IFNA5: variants seen among roughly 807,000 people sequenced by gnomAD.
IFNA5 encodes interferon alpha-5.
For missense variants in IFNA5, 267 were observed against 213.8 expected (o/e 1.25, Z -1.55); for synonymous variants, 95 against 77.6 (o/e 1.22, Z -1.18).
At position 21,305,285 on chromosome 9, in the gene IFNA5, T is replaced by A. The variant is rs775287415; in HGVS notation, c.-29A>T. 2.4e-5 allele frequency: 37 copies of A among 1,537,242 alleles called. 2 individuals are homozygous for A. In the South Asian group the frequency reaches 4.6e-4, roughly 19 times the overall value. ...GGAGGTTGCAGATGCTTCTGGGCTG[T>A]TGAGATTGAGTGACCCTGAACCTTG... is the stretch of plus-strand genomic sequence containing the variant. On this transcript the variant is annotated 5_prime_UTR_variant, in exon 1 of 1. Transcript: ENST00000610521.
rs771137726 is a variant in IFNA5, at chr9:21,305,021, A to G, written c.236T>C (p.Val79Ala). The change falls in exon 1 of 1, where the codon GTC becomes GCC. Residue 79 changes from valine to alanine, a missense_variant. Physicochemically the swap from Val to Ala is moderately conservative, Grantham distance 64. Transcript: ENST00000610521. ...NQFQKAQAIS[V>A]LHEMIQQTFN... The stretch of plus-strand genomic sequence containing the variant: ...GGTCTGCTGGATCATCTCATGGAGG[A>G]CAGAGATGGCTTGAGCCTTCTGGAA... 16 of 1,614,084 alleles carry G rather than the reference A, an allele frequency of 9.9e-6. No homozygotes were observed. In the African/African-American group the frequency reaches 1.9e-4, roughly 19 times the overall value.
At chr9:21,304,914 G>A in the IFNA5 span, 8,894 of 1,614,172 alleles carry the variant, frequency 5.5e-3, 40 homozygotes, top group Non-Finnish European at 5.7e-3. Flanking sequence ...TCATTCAGCT[G>A]CTGGTAAAGT....
rs1312053616 is a variant in IFNA5, at chr9:21,305,299, C to G, written c.-43G>C. The G allele has an allele frequency of 2.7e-6, 4 of 1,498,474 alleles. No homozygotes were observed. The highest frequency in any genetic ancestry group is 3.6e-6 in the Non-Finnish European group (4 of 1,113,840). 92.8% of individuals were successfully genotyped at this position (1,498,474 alleles called of 1,614,324 possible). A position where few individuals can be genotyped will look rare whatever the true frequency, so the allele number is the denominator to read the frequency against. On this transcript the variant is annotated 5_prime_UTR_variant, in exon 1 of 1. Coordinates refer to ENST00000610521, the MANE Select transcript of IFNA5 (RefSeq NM_002169.3). ...CTTCTGGGCTGTTGAGATTGAGTGA[C>G]CCTGAACCTTGGGCTCTTCTCTGAA...
Position 21,305,306 on chromosome 9 carries a change from C to T in IFNA5, c.-50G>A, listed in dbSNP as rs1563845593. 3 of 1,467,158 alleles carry T rather than the reference C, an allele frequency of 2.0e-6. No homozygotes were observed. The highest frequency in any genetic ancestry group is 2.7e-5 in the South Asian group (2 of 73,344). 90.9% of individuals were successfully genotyped at this position (1,467,158 alleles called of 1,614,324 possible). Reference sequence around the variant, plus strand: ...GCTGTTGAGATTGAGTGACCCTGAACCTTGGGCTCTTCTCTGAAGACCTTG... The same window carrying T: ...GCTGTTGAGATTGAGTGACCCTGAATCTTGGGCTCTTCTCTGAAGACCTTG... On this transcript the variant is annotated 5_prime_UTR_variant, in exon 1 of 1. Coordinates refer to ENST00000610521, the MANE Select transcript of IFNA5 (RefSeq NM_002169.3).
At position 21,304,611 on chromosome 9, in the gene IFNA5, A is replaced by G; in HGVS notation, c.*76T>C. ...AGTCATGGATATAGCAGAAATTAAT[A>G]TTTGAAACGGCAGAACTCAAGAAGT... On this transcript the variant is annotated 3_prime_UTR_variant, in exon 1 of 1. Coordinates refer to ENST00000610521, the MANE Select transcript of IFNA5 (RefSeq NM_002169.3). The G allele has an allele frequency of 6.8e-7, 1 of 1,475,204 alleles. No homozygotes were observed. Among genetic ancestry groups the G allele is most frequent in the Non-Finnish European group, 9.2e-7 (1 of 1,091,554 alleles). The allele number at this position is 1,475,204 out of a possible 1,614,324, so 91.4% of individuals were successfully genotyped here.
Position 21,304,895 on chromosome 9 carries a change from G to A in IFNA5, c.362C>T (p.Ala121Val), listed in dbSNP as rs758221007. The change falls in exon 1 of 1, where the codon GCC becomes GTC. Residue 121 changes from alanine (A) to valine (V), a missense_variant. Coordinates refer to ENST00000610521, the MANE Select transcript of IFNA5 (RefSeq NM_002169.3). ...CACTCCAACCTCCTGCATCATACAG[G>A]CTTCCAGGTCATTCAGCTGCTGGTA... ...ELYQQLNDLE[A>V]CMMQEVGVED... 6.2e-7 allele frequency: 1 copy of A among 1,614,030 alleles called. No homozygotes were observed. The highest frequency in any genetic ancestry group is 8.5e-7 in the Non-Finnish European group (1 of 1,180,030).
chr9:21,305,304 A>C lies in IFNA5; in HGVS notation c.-48T>G, dbSNP rs750799955. The C allele has an allele frequency of 1.4e-6, 2 of 1,473,114 alleles. No homozygotes were observed. The highest frequency in any genetic ancestry group is 1.8e-6 in the Non-Finnish European group (2 of 1,092,790). 91.3% of individuals were successfully genotyped at this position (1,473,114 alleles called of 1,614,324 possible). ...GGGCTGTTGAGATTGAGTGACCCTG[A>C]ACCTTGGGCTCTTCTCTGAAGACCT... On this transcript the variant is annotated 5_prime_UTR_variant, in exon 1 of 1. Coordinates refer to ENST00000610521, the MANE Select transcript of IFNA5 (RefSeq NM_002169.3).
Position 21,304,589 on chromosome 9 carries a change from C to T in IFNA5, c.*98G>A. ...TTGAAAATTTTGATTCAACTCAAGT[C>T]ATGGATATAGCAGAAATTAATATTT... On this transcript the variant is annotated 3_prime_UTR_variant, in exon 1 of 1. Coordinates refer to ENST00000610521, the MANE Select transcript of IFNA5 (RefSeq NM_002169.3). The T allele has an allele frequency of 7.2e-7, 1 of 1,382,310 alleles. No homozygotes were observed. The highest frequency in any genetic ancestry group is 9.9e-7 in the Non-Finnish European group (1 of 1,014,326). 85.6% of individuals were successfully genotyped at this position (1,382,310 alleles called of 1,614,324 possible).
rs1819808038 is a variant in IFNA5, at chr9:21,304,398, C to A, written c.*289G>T. The A allele has an allele frequency of 6.5e-6, 1 of 154,208 alleles. No individual in the cohort carries two copies. Among genetic ancestry groups the A allele is most frequent in the South Asian group, 2.1e-4 (1 of 4,852 alleles). The allele number at this position is 154,208 out of a possible 1,614,324, so 9.6% of individuals were successfully genotyped here. ...GTGGATGTAATATTACCTGAACAAA[C>A]ATAATTTAAAATAATTTAAATCTTA... On this transcript the variant is annotated 3_prime_UTR_variant, in exon 1 of 1. Coordinates refer to ENST00000610521, the MANE Select transcript of IFNA5 (RefSeq NM_002169.3).
Position 21,304,645 on chromosome 9 carries a change from G to T in IFNA5, c.*42C>A, listed in dbSNP as rs1189884332. ...GGCAGAACTCAAGAAGTGTGAAATG[G>T]TGTACTAGTCAATGAGAATCATTTC... On this transcript the variant is annotated 3_prime_UTR_variant, in exon 1 of 1. Transcript: ENST00000610521. 6.4e-7 allele frequency: 1 copy of T among 1,562,336 alleles called. No homozygotes were observed. The highest frequency in any genetic ancestry group is 8.7e-7 in the Non-Finnish European group (1 of 1,148,018).
chr9:21,305,157 T>C lies in IFNA5; in HGVS notation c.100A>G (p.Asn34Asp). The change falls in exon 1 of 1, where the codon AAC (asparagine) becomes GAC (aspartate). Residue 34 changes from asparagine to aspartate, a missense_variant. By Grantham distance (23) the Asn-to-Asp change is conservative. Transcript: ENST00000610521. Reference protein sequence around the residue: ...CDLPQTHSLSNRRTLMIMAQM... With the variant: ...CDLPQTHSLSDRRTLMIMAQM... ...GCCATTATCATCAAAGTCCTCCTGT[T>C]ACTCAGGCTGTGGGTCTGAGGCAGA... is the stretch of plus-strand genomic sequence containing the variant. 1 of 1,614,146 alleles carries C rather than the reference T, an allele frequency of 6.2e-7. No individual in the cohort carries two copies. Among genetic ancestry groups the C allele is most frequent in the Non-Finnish European group, 8.5e-7 (1 of 1,180,012 alleles).
At chr9:21,304,800 AGAGG>A in the IFNA5 span, 2 of 1,614,196 alleles carry the variant, frequency 1.2e-6, no homozygotes, top group African/African-American at 1.3e-5. Context: ...TCTGTCAGAT[AGAGG>A]GTGATTCTTT....
rs1374939395 is a variant in IFNA5 at position 21,304,992 on chromosome 9, T to C, written c.265A>G (p.Asn89Asp). 1.2e-6 allele frequency: 2 copies of C among 1,614,194 alleles called. No individual in the cohort carries two copies. The highest frequency in any genetic ancestry group is 1.7e-6 in the Non-Finnish European group (2 of 1,180,030). Reference protein sequence around the residue: ...VLHEMIQQTFNLFSTKDSSAT... With the variant: ...VLHEMIQQTFDLFSTKDSSAT... ...GATGAGTCCTTTGTGCTGAAGAGATTGAAGGTCTGCTGGATCATCTCATGG... is the reference window on the plus strand; with the variant it reads ...GATGAGTCCTTTGTGCTGAAGAGATCGAAGGTCTGCTGGATCATCTCATGG... The change falls in exon 1 of 1, where the codon AAT becomes GAT. Residue 89 changes from asparagine to aspartate, a missense_variant. Coordinates refer to ENST00000610521, the MANE Select transcript of IFNA5 (RefSeq NM_002169.3).
Position 21,304,593 on chromosome 9 carries a change from G to A in IFNA5, c.*94C>T, listed in dbSNP as rs552677224. On this transcript the variant is annotated 3_prime_UTR_variant, in exon 1 of 1. Transcript: ENST00000610521. Reference sequence around the variant, plus strand: ...AAATTTTGATTCAACTCAAGTCATGGATATAGCAGAAATTAATATTTGAAA... The same window carrying A: ...AAATTTTGATTCAACTCAAGTCATGAATATAGCAGAAATTAATATTTGAAA... 126 of 1,395,560 alleles carry A rather than the reference G, an allele frequency of 9.0e-5. 2 individuals are homozygous for A. In the African/African-American group the frequency reaches 1.7e-3, roughly 19 times the overall value. The allele number at this position is 1,395,560 out of a possible 1,614,324, so 86.4% of individuals were successfully genotyped here. A position where few individuals can be genotyped will look rare whatever the true frequency, so the allele number is the denominator to read the frequency against.
chr9:21,304,899 C>T lies in IFNA5; in HGVS notation c.358G>A (p.Glu120Lys), dbSNP rs751003739. 5 of 1,614,198 alleles carry T rather than the reference C, an allele frequency of 3.1e-6. No individual in the cohort carries two copies. The highest frequency in any genetic ancestry group is 1.7e-5 in the Admixed American group (1 of 60,028). ...TELYQQLNDL[E>K]ACMMQEVGVE... ...CCAACCTCCTGCATCATACAGGCTT[C>T]CAGGTCATTCAGCTGCTGGTAAAGT... Residue 120 changes from glutamate to lysine, a missense_variant, in exon 1 of 1, where the codon GAA becomes AAA. Glu to Lys is a moderately conservative substitution (Grantham distance 56). Transcript: ENST00000610521.
Position 21,304,903 on chromosome 9 carries a change from G to T in IFNA5, c.354C>A (p.Asp118Glu), listed in dbSNP as rs780812383. 1 of 1,614,032 alleles carries T rather than the reference G, an allele frequency of 6.2e-7. No homozygotes were observed. Among genetic ancestry groups the T allele is most frequent in the African/African-American group, 1.3e-5 (1 of 74,912 alleles). Residue 118 changes from aspartate (D) to glutamate (E), a missense_variant, in exon 1 of 1, where the codon GAC (aspartate) becomes GAA (glutamate). By Grantham distance (45) the Asp-to-Glu change is conservative. Transcript: ENST00000610521. ...CCTCCTGCATCATACAGGCTTCCAG[G>T]TCATTCAGCTGCTGGTAAAGTTCAG... ...FYTELYQQLN[D>E]LEACMMQEVG...
chr9:21,304,771 A>G lies in IFNA5; in HGVS notation c.486T>C (p.Cys162=). ...LYLTEKKYSP[C]AWEVVRAEIM... is the part of the protein sequence containing the mutation. ...TTTCTGCTCTGACAACCTCCCATGC[A>G]CAAGGGCTGTATTTCTTCTCTGTCA... Residue 162 remains cysteine (C), a synonymous_variant, in exon 1 of 1, where the codon TGT becomes TGC. Transcript: ENST00000610521. The G allele has an allele frequency of 6.2e-7, 1 of 1,614,154 alleles. No individual in the cohort carries two copies. Among genetic ancestry groups the G allele is most frequent in the Non-Finnish European group, 8.5e-7 (1 of 1,180,004 alleles).
In IFNA5 at chr9:21,304,689, A is replaced by T. The variant is rs150500794; in HGVS notation, c.568T>A (p.Ter190ArgextTer11). ...NLQERLRRKE[*>R] ...TCATTTCGATGTTGAACCAGTTTTC[A>T]TTCCTTCCTCCTTAATCTTTCTTGC... Residue 190 changes from the stop codon to arginine (R), a stop_lost, in exon 1 of 1, where the codon TGA (stop) becomes AGA (arginine). Transcript: ENST00000610521. The T allele has an allele frequency of 2.0e-4, 327 of 1,610,404 alleles. No homozygotes were observed. Among genetic ancestry groups the T allele is most frequent in the Non-Finnish European group, 2.5e-4 (294 of 1,179,094 alleles).
chr9:21,305,313 C>T lies in IFNA5; in HGVS notation c.-57G>A, dbSNP rs967684892. The T allele has an allele frequency of 6.9e-7, 1 of 1,439,310 alleles. No homozygotes were observed. The highest frequency in any genetic ancestry group is 1.4e-5 in the South Asian group (1 of 72,106). The allele number at this position is 1,439,310 out of a possible 1,614,324, so 89.2% of individuals were successfully genotyped here. ...AGATTGAGTGACCCTGAACCTTGGG[C>T]TCTTCTCTGAAGACCTTGTTTTGTG... On this transcript the variant is annotated 5_prime_UTR_variant, in exon 1 of 1. Transcript: ENST00000610521.
Sources: gnomAD v4.1 joint callset for allele counts on GRCh38, gnomAD v4.1.1 for gene constraint, MANE v1.5 for transcripts, NCBI Gene and HGNC (gene_info 2026-07-23, HGNC 2026-07-21) for gene names.